Variants in KSR2 observed in about 807,000 individuals in gnomAD.
The protein encoded by KSR2 is kinase suppressor of ras 2.
KSR2 carries 25 observed loss-of-function variants against 107.8 expected under a neutral mutation model. The ratio of observed to expected loss-of-function variants is 0.23; its 90% CI spans 0.17 to 0.32. The LOEUF is 0.32. Among genes scored for constraint, KSR2 ranks in the 10% least tolerant of loss-of-function variants. The probability of loss-of-function intolerance (pLI) is 1.00; values close to 1 mark genes in which losing one functional copy is unlikely to be tolerated. For synonymous variants in KSR2, 480 were observed against 507.0 expected (o/e 0.95, Z 0.71); for missense variants, 887 against 1,268.9 (o/e 0.70, Z 4.57).
intron 5 of KSR2, among the ~76,000 whole-genome samples, chr12:117,661,669 C>G (rs889729239): frequency 6.6e-6 from 1 of 152,168 alleles, no homozygotes; most frequent in Non-Finnish European, 1.5e-5. Context: ...ATTGCTGGAC[C>G]TCTCCCCAGA....
At position 117,952,397 on chromosome 12, in the gene KSR2, CCA is replaced by C. The variant is rs535161435; in HGVS notation, c.180+15677_180+15678del. ...GGAATGGTGGCTTATGCCTGTAATC[CCA>C]GCACTTTGGGAGGCCAAGGTGGGCA... On this transcript the variant is annotated intron_variant, in intron 1 of 19. Transcript: ENST00000339824. Among the ~76,000 whole-genome samples, 51 of 152,194 alleles carry C rather than the reference CCA, an allele frequency of 3.4e-4. No homozygotes were observed. The South Asian group carries it at 0.01, about 31-fold the overall frequency.
At chr12:117,855,132 T>C (rs1893056384) in intron 3 of KSR2, among the ~76,000 whole-genome samples, 1 of 152,186 alleles carries the variant, frequency 6.6e-6, no homozygotes, top group East Asian at 1.9e-4. Context: ...AAAAAGACCC[T>C]GGTCTCCTAT....
At chr12:117,604,950 T>C (rs977986705) in intron 5 of KSR2, among the ~76,000 whole-genome samples, 1 of 152,206 alleles carries the variant, frequency 6.6e-6, no homozygotes, top group Non-Finnish European at 1.5e-5. Flanking sequence ...CAGATTTTTA[T>C]ATAAAATTTC....
At chr12:117,838,709 C>T (rs1334563275) in intron 3 of KSR2, among the ~76,000 whole-genome samples, 1 of 152,208 alleles carries the variant, frequency 6.6e-6, no homozygotes, top group African/African-American at 2.4e-5. Context: ...AATGCCTCCC[C>T]AGCCTCTTCA....
chr12:117,669,060 C>G (rs1322790193), intron 4 of KSR2, among the ~76,000 whole-genome samples: 1 of 152,176 alleles, frequency 6.6e-6, no homozygotes, highest in Non-Finnish European at 1.5e-5. Context: ...GATGTCTAAT[C>G]TCAATCCTAC....
At chr12:117,501,090 G>T (rs1047129179) in intron 14 of KSR2, among the ~76,000 whole-genome samples, 2 of 152,230 alleles carry the variant, frequency 1.3e-5, no homozygotes, top group Admixed American at 6.5e-5. Flanking sequence ...AGCTAAGAAT[G>T]ATTTGATACT....
chr12:117,848,639 A>T (rs982936961), intron 3 of KSR2, among the ~76,000 whole-genome samples: 2 of 152,236 alleles, frequency 1.3e-5, no homozygotes, highest in Admixed American at 6.5e-5. Flanking sequence ...GTGCTTAATT[A>T]GAAAGGCTGA....
chr12:117,579,000 A>G (rs1879469056), intron 7 of KSR2, 119 bp downstream of exon 7: 2 of 756,258 alleles, frequency 2.6e-6, no homozygotes, highest in South Asian at 3.1e-5. Flanking sequence ...TCTGAAAAAC[A>G]AAGCAAACAA....
intron 3 of KSR2, among the ~76,000 whole-genome samples, chr12:117,768,189 A>G (rs1187439247): frequency 6.6e-6 from 1 of 152,254 alleles, no homozygotes; most frequent in Non-Finnish European, 1.5e-5. Flanking sequence ...ACTCCTGCTC[A>G]TGCCGAGGAA....
intron 3 of KSR2, among the ~76,000 whole-genome samples, chr12:117,808,252 C>T (rs1593258062): frequency 6.6e-6 from 1 of 152,250 alleles, no homozygotes. Context: ...CAAAGCAGAA[C>T]CACAGACGCA....
intron 1 of KSR2, among the ~76,000 whole-genome samples, chr12:117,893,469 T>C (rs1377143415): frequency 6.6e-6 from 1 of 152,166 alleles, no homozygotes; most frequent in Admixed American, 6.6e-5. Flanking sequence ...AACCTGAAAG[T>C]GTCATACACC....
intron 4 of KSR2, among the ~76,000 whole-genome samples, chr12:117,734,911 G>A (rs2174412): frequency 0.071 from 10,823 of 152,194 alleles, 818 homozygotes; most frequent in East Asian, 0.29. Context: ...ATTTAAGGAT[G>A]GTCTTGACTG....
intron 1 of KSR2, among the ~76,000 whole-genome samples, chr12:117,894,461 TC>T (rs1894444796): frequency 6.6e-6 from 1 of 152,116 alleles, no homozygotes; most frequent in Non-Finnish European, 1.5e-5. Flanking sequence ...GGCCAGGAGT[TC>T]CTGGCCAGCC....
chr12:117,558,399 G>T, intron 8 of KSR2, 107 bp downstream of exon 8: 1 of 748,870 alleles, frequency 1.3e-6, no homozygotes, highest in Non-Finnish European at 2.4e-6. Flanking sequence ...GGAAGTATGT[G>T]GGGATCAAGA....
chr12:117,615,953 G>A (rs1257691671), intron 5 of KSR2, among the ~76,000 whole-genome samples: 1 of 152,118 alleles, frequency 6.6e-6, no homozygotes. Flanking sequence ...AGAAGTTCGA[G>A]ACCACCCTGG....
chr12:117,632,637 A>G (rs1001610934), intron 5 of KSR2, among the ~76,000 whole-genome samples: 2 of 152,092 alleles, frequency 1.3e-5, no homozygotes, highest in African/African-American at 4.8e-5. Flanking sequence ...TTCATCACTC[A>G]GGCAATAAGC....
chr12:117,794,144 C>CAACATGCACACACA (rs1890470301), intron 3 of KSR2, among the ~76,000 whole-genome samples: 1 of 61,456 alleles, frequency 1.6e-5, no homozygotes, highest in Non-Finnish European at 3.1e-5. Flanking sequence ...ATGCACACAC[C>CAACATGCACACACA]CCAACATGCA....
intron 3 of KSR2, among the ~76,000 whole-genome samples, chr12:117,822,424 A>G (rs1891597617): frequency 6.6e-6 from 1 of 152,168 alleles, no homozygotes; most frequent in African/African-American, 2.4e-5. Flanking sequence ...ATAAATGCAG[A>G]TGCTCCTCAG....
intron 5 of KSR2, 140 bp downstream of exon 5, chr12:117,667,334 G>T: frequency 1.2e-6 from 1 of 813,042 alleles, no homozygotes; most frequent in Non-Finnish European, 1.9e-6. Context: ...CAGATGATGG[G>T]TGAAGCTCTA....
Sources: allele counts gnomAD v4.1 joint callset (sites outside exome capture counted in the v4.1 genomes callset), GRCh38; gene constraint gnomAD v4.1.1; transcripts MANE v1.5; gene names NCBI Gene and HGNC (gene_info 2026-07-23, HGNC 2026-07-21).